CADPS: variants seen among roughly 807,000 people sequenced by gnomAD.
CADPS encodes calcium dependent secretion activator.
In CADPS, 57 loss-of-function variants were observed where a neutral mutation model predicts 167.3. The observed-to-expected ratio is 0.34, with a 90% confidence interval of 0.28 to 0.42. CADPS has a LOEUF of 0.42. CADPS is among the 20% of genes least tolerant of loss of function. The probability of loss-of-function intolerance (pLI) is 1.00; values close to 1 mark genes in which losing one functional copy is unlikely to be tolerated. For missense variants in CADPS, 1,414 were observed against 1,738.1 expected (o/e 0.81, Z 3.32); for synonymous variants, 676 against 635.3 (o/e 1.06, Z -0.96).
At chr3:62,641,790 C>A (rs764002637) in intron 6 of CADPS, among the ~76,000 whole-genome samples, 10 of 152,100 alleles carry the variant, frequency 6.6e-5, no homozygotes, top group Non-Finnish European at 1.2e-4. Context: ...CCACAGGTAG[C>A]AAACAGATTG....
chr3:62,439,877 C>G (rs944637878), intron 27 of CADPS: 4 of 152,128 alleles, frequency 2.6e-5, no homozygotes, highest in African/African-American at 9.7e-5. Flanking sequence ...TCTCTTTTCA[C>G]GAAGTTTCAC....
At chr3:62,479,484 A>G (rs2061706165) in intron 22 of CADPS, among the ~76,000 whole-genome samples, 1 of 152,220 alleles carries the variant, frequency 6.6e-6, no homozygotes. Context: ...GGGTGTTTCT[A>G]TTGTGACAGA....
chr3:62,445,250 C>G (rs1026052408), intron 27 of CADPS, among the ~76,000 whole-genome samples: 4 of 152,176 alleles, frequency 2.6e-5, no homozygotes, highest in Non-Finnish European at 5.9e-5. Flanking sequence ...TTCCTTAAAA[C>G]AATTGCAGAA....
chr3:62,493,345 G>A (rs1428005620), intron 19 of CADPS, among the ~76,000 whole-genome samples: 2 of 152,084 alleles, frequency 1.3e-5, no homozygotes, highest in African/African-American at 4.8e-5. Flanking sequence ...CTGTTTTGCC[G>A]ATTTCAAAGA....
chr3:62,459,033 G>T (rs910550286), intron 26 of CADPS, among the ~76,000 whole-genome samples: 1 of 152,136 alleles, frequency 6.6e-6, no homozygotes, highest in African/African-American at 2.4e-5. Context: ...TGTCCTAGTA[G>T]GCAATAAAAT....
intron 3 of CADPS, among the ~76,000 whole-genome samples, chr3:62,702,940 G>A (rs1418587645): frequency 6.6e-6 from 1 of 152,064 alleles, no homozygotes; most frequent in Non-Finnish European, 1.5e-5. Context: ...TCATGGAAGA[G>A]GAAGCTGAGG....
At chr3:62,866,712 G>A (rs1262922379) in intron 1 of CADPS, among the ~76,000 whole-genome samples, 2 of 152,070 alleles carry the variant, frequency 1.3e-5, no homozygotes, top group Non-Finnish European at 2.9e-5. Flanking sequence ...ATACTGTGGA[G>A]GAGTTTGGTG....
intron 5 of CADPS, among the ~76,000 whole-genome samples, chr3:62,650,452 TGTAGCCA>T (rs1445584544): frequency 2.6e-5 from 4 of 152,208 alleles, no homozygotes; most frequent in African/African-American, 9.6e-5. Context: ...CTCTCTACCT[TGTAGCCA>T]ACAGGAAGGA....
intron 9 of CADPS, among the ~76,000 whole-genome samples, chr3:62,559,317 G>C (rs929609124): frequency 9.9e-5 from 15 of 152,242 alleles, no homozygotes; most frequent in African/African-American, 3.4e-4. Context: ...AATCTGATTG[G>C]TTCTAGAAAG....
chr3:62,588,989 G>C (rs2085306630), intron 7 of CADPS, among the ~76,000 whole-genome samples: 1 of 152,138 alleles, frequency 6.6e-6, no homozygotes, highest in Non-Finnish European at 1.5e-5. Context: ...CTTTCTCTGG[G>C]AAGGGATACG....
intron 1 of CADPS, among the ~76,000 whole-genome samples, chr3:62,835,688 C>T (rs905443269): frequency 6.6e-6 from 1 of 152,212 alleles, no homozygotes; most frequent in African/African-American, 2.4e-5. Flanking sequence ...AATTGAGCTG[C>T]GTAGTATTGC....
chr3:62,819,541 T>G (rs1433024757), intron 1 of CADPS, among the ~76,000 whole-genome samples: 1 of 151,938 alleles, frequency 6.6e-6, no homozygotes, highest in East Asian at 1.9e-4. Context: ...TTATGAGAGA[T>G]AACTTCTAAA....
intron 22 of CADPS, 108 bp downstream of exon 22, chr3:62,481,615 A>C: frequency 9.8e-7 from 1 of 1,018,432 alleles, no homozygotes; most frequent in South Asian, 1.9e-5. Context: ...AATATGTCTA[A>C]TTATCCATCT....
chr3:62,834,141 C>T (rs1465816996), intron 1 of CADPS, among the ~76,000 whole-genome samples: 1 of 152,120 alleles, frequency 6.6e-6, no homozygotes, highest in Non-Finnish European at 1.5e-5. Context: ...TTTGAGAACT[C>T]CTCAGTGAAG....
chr3:62,750,111 G>A (rs2082357771), intron 3 of CADPS, among the ~76,000 whole-genome samples: 2 of 152,040 alleles, frequency 1.3e-5, no homozygotes, highest in African/African-American at 2.4e-5. Context: ...CAGCACTTTG[G>A]GAGGCCGAGG....
intron 18 of CADPS, among the ~76,000 whole-genome samples, chr3:62,497,159 A>C (rs2064947591): frequency 6.6e-6 from 1 of 152,218 alleles, no homozygotes; most frequent in African/African-American, 2.4e-5. Context: ...TGCCTTGTTT[A>C]GCATATAAGC....
At chr3:62,662,696 G>A (rs536628304) in intron 3 of CADPS, among the ~76,000 whole-genome samples, 3 of 152,196 alleles carry the variant, frequency 2.0e-5, no homozygotes, top group African/African-American at 7.2e-5. Context: ...CTTCTTTTTG[G>A]CCCAGTGACC....
At chr3:62,424,724 C>T (rs1256497514) in intron 28 of CADPS, among the ~76,000 whole-genome samples, 1 of 152,176 alleles carries the variant, frequency 6.6e-6, no homozygotes, top group Non-Finnish European at 1.5e-5. Flanking sequence ...CGATTCATTA[C>T]CCATTACATG....
At position 62,874,984 on chromosome 3, in the gene CADPS, C is replaced by G; in HGVS notation, c.46G>C (p.Glu16Gln). ...SSEEESDEIV[E>Q]EESGKEVLGS... is the part of the protein sequence containing the mutation. Reference sequence around the variant, plus strand: ...AGCACCTCCTTGCCGCTCTCCTCCTCCACGATCTCATCCGATTCTTCTTCG... The same window carrying G: ...AGCACCTCCTTGCCGCTCTCCTCCTGCACGATCTCATCCGATTCTTCTTCG... The change falls in exon 1 of 30, where the codon GAG (glutamate) becomes CAG (glutamine). Residue 16 changes from glutamate to glutamine, a missense_variant. Glu to Gln is a conservative substitution (Grantham distance 29). Around this residue, in one of 6 missense-constraint regions of CADPS, gnomAD observed 522 missense variants for 559.5 expected, o/e 0.93. Transcript: ENST00000383710. This position sits in a 1 kb window ranked among gnomAD's most constrained non-coding sequence, Gnocchi z 7.1. 6.3e-7 allele frequency: 1 copy of G among 1,596,544 alleles called. No homozygotes were observed. Among genetic ancestry groups the G allele is most frequent in the African/African-American group, 1.4e-5 (1 of 72,836 alleles).
Sources: gnomAD v4.1 joint callset for allele counts (sites outside exome capture counted in the v4.1 genomes callset) on GRCh38, gnomAD v4.1.1 for gene constraint, gnomAD v4.1.1 regional missense constraint, Gnocchi (gnomAD v3.1) non-coding constraint, MANE v1.5 for transcripts, NCBI Gene and HGNC (gene_info 2026-07-23, HGNC 2026-07-21) for gene names.